Variants in EPHA3 observed in about 807,000 individuals in gnomAD.
The protein encoded by EPHA3 is ephrin type-A receptor 3.
In EPHA3, 42 loss-of-function variants were observed where a neutral mutation model predicts 107.1. The observed-to-expected ratio is 0.39, with a 90% CI of 0.31 to 0.51. The LOEUF is 0.51. Among genes scored for constraint, EPHA3 ranks in the 20% least tolerant of loss-of-function variants. The probability of loss-of-function intolerance (pLI) is 0.78; values close to 1 mark genes in which losing one functional copy is unlikely to be tolerated. For synonymous variants in EPHA3, 461 were observed against 424.8 expected, an observed-to-expected ratio of 1.09 and a Z score of -1.05; for missense variants, 1,183 against 1,211.2, an observed-to-expected ratio of 0.98 and a Z score of 0.35.
intron 3 of EPHA3, among the ~76,000 whole-genome samples, chr3:89,286,739 A>G (rs563512118): frequency 7.2e-5 from 11 of 152,266 alleles, no homozygotes; most frequent in African/African-American, 2.4e-4. Flanking sequence ...TTTGAAAGTC[A>G]TTTTTAATCC....
At chr3:89,195,890 C>T (rs1468297051) in intron 2 of EPHA3, among the ~76,000 whole-genome samples, 2 of 152,080 alleles carry the variant, frequency 1.3e-5, no homozygotes, top group Non-Finnish European at 2.9e-5. Flanking sequence ...TATTCCAAAC[C>T]ATCTACATGG....
chr3:89,418,734 C>T (rs771298640), intron 10 of EPHA3, among the ~76,000 whole-genome samples: 6 of 151,378 alleles, frequency 4.0e-5, no homozygotes, highest in Non-Finnish European at 7.4e-5. Context: ...ATAGCAGATG[C>T]TTTCCTTCTC....
chr3:89,231,026 A>T (rs1704620573), intron 3 of EPHA3, among the ~76,000 whole-genome samples: 1 of 152,124 alleles, frequency 6.6e-6, no homozygotes, highest in Non-Finnish European at 1.5e-5. Context: ...CAATATATTA[A>T]TCACACACAA....
intron 7 of EPHA3, among the ~76,000 whole-genome samples, chr3:89,402,676 ATATTT>A (rs1469305383): frequency 2.0e-5 from 3 of 151,826 alleles, no homozygotes; most frequent in Non-Finnish European, 4.4e-5. Flanking sequence ...TCTCGTTTTA[ATATTT>A]TATTTTATTT....
intron 3 of EPHA3, among the ~76,000 whole-genome samples, chr3:89,288,329 T>C (rs148172722): frequency 7.7e-4 from 118 of 152,274 alleles, no homozygotes; most frequent in Admixed American, 7.4e-3. Context: ...GATTATAGCC[T>C]TAAACTGGTA....
At position 89,341,817 on chromosome 3, in the gene EPHA3, TGGAGTTGGCCCCTGGACACA is replaced by T. The variant is rs1559654099; in HGVS notation, c.1038_1057del (p.Ser346ArgfsTer12). 6.2e-7 allele frequency: 1 copy of T among 1,614,012 alleles called. No individual in the cohort carries two copies. The highest frequency in any genetic ancestry group is 8.5e-7 in the Non-Finnish European group (1 of 1,180,014). ...AAACGAGACCTCAGTTATCCTGGAC[TGGAGTTGGCCCCTGGACACA>T]GGAGGCCGGAAAGATGTTACCTTCA... On this transcript the variant is annotated frameshift_variant, in exon 5 of 17. Transcript: ENST00000336596. LOFTEE classifies it high-confidence loss of function.
intron 2 of EPHA3, among the ~76,000 whole-genome samples, chr3:89,145,051 C>G (rs988517502): frequency 6.6e-6 from 1 of 151,724 alleles, no homozygotes; most frequent in Middle Eastern, 3.4e-3. Flanking sequence ...TAAAATAAGA[C>G]AAGTTCTTTT....
At chr3:89,356,238 G>A (rs2107450563) in intron 5 of EPHA3, among the ~76,000 whole-genome samples, 1 of 150,668 alleles carries the variant, frequency 6.6e-6, no homozygotes, top group South Asian at 2.1e-4. Context: ...TATCATTGTT[G>A]GACATTTGGG....
chr3:89,436,268 T>C (rs1480730383), intron 13 of EPHA3, among the ~76,000 whole-genome samples: 1 of 152,244 alleles, frequency 6.6e-6, no homozygotes, highest in Non-Finnish European at 1.5e-5. Context: ...TGATTTAGTG[T>C]GCTCTGATTA....
intron 11 of EPHA3, 113 bp from the exon 12 acceptor site, chr3:89,428,993 G>T (rs1455068560): frequency 1.6e-6 from 1 of 641,720 alleles, no homozygotes; most frequent in African/African-American, 1.9e-5. Flanking sequence ...TTAGAAGACA[G>T]GCAAAGTTCT....
At chr3:89,337,517 A>T (rs1432990666) in intron 3 of EPHA3, among the ~76,000 whole-genome samples, 1 of 152,224 alleles carries the variant, frequency 6.6e-6, no homozygotes, top group Non-Finnish European at 1.5e-5. Flanking sequence ...TACAAAAATT[A>T]AAATGTTATT....
chr3:89,115,429 A>G (rs1707228484), intron 1 of EPHA3, among the ~76,000 whole-genome samples: 1 of 151,996 alleles, frequency 6.6e-6, no homozygotes, highest in African/African-American at 2.4e-5. Context: ...TTCCTCTTCC[A>G]ATATTGGGAG....
chr3:89,211,760 T>C (rs183638383), intron 3 of EPHA3, among the ~76,000 whole-genome samples: 3 of 125,832 alleles, frequency 2.4e-5, no homozygotes, highest in Non-Finnish European at 4.9e-5. Context: ...TTCTTCTTCT[T>C]CTTCTTCTTC....
intron 5 of EPHA3, among the ~76,000 whole-genome samples, chr3:89,390,572 C>T (rs1335768269): frequency 1.3e-5 from 2 of 149,232 alleles, no homozygotes; most frequent in Non-Finnish European, 3.0e-5. Context: ...CGCACTCCAG[C>T]CTGGGCAACA....
At chr3:89,210,651 T>TAAA in intron 3 of EPHA3, 131 bp downstream of exon 3, 1 of 893,620 alleles carries the variant, frequency 1.1e-6, no homozygotes, top group Non-Finnish European at 1.7e-6. Flanking sequence ...CCATAGTCTA[T>TAAA]TTATGGACTA....
At chr3:89,256,209 C>G (rs1295820012) in intron 3 of EPHA3, among the ~76,000 whole-genome samples, 8 of 151,490 alleles carry the variant, frequency 5.3e-5, no homozygotes, top group African/African-American at 1.9e-4. Context: ...CGAGATTGCA[C>G]CACTGCACTC....
chr3:89,251,722 A>AT (rs1284542937), intron 3 of EPHA3, among the ~76,000 whole-genome samples: 2 of 152,082 alleles, frequency 1.3e-5, no homozygotes, highest in Non-Finnish European at 2.9e-5. Flanking sequence ...AACAATTTAA[A>AT]TTTTTGTTAA....
At chr3:89,371,064 T>G (rs1708291009) in intron 5 of EPHA3, among the ~76,000 whole-genome samples, 1 of 151,748 alleles carries the variant, frequency 6.6e-6, no homozygotes, top group Non-Finnish European at 1.5e-5. Context: ...GGTATGAAAA[T>G]AAATATTTCA....
chr3:89,204,508 C>T (rs1420448434), intron 2 of EPHA3, among the ~76,000 whole-genome samples: 1 of 91,146 alleles, frequency 1.1e-5, no homozygotes, highest in Non-Finnish European at 2.9e-5. Flanking sequence ...ACACACACAC[C>T]CCAAACAAAA....
Sources: gnomAD v4.1 joint callset for allele counts (sites outside exome capture counted in the v4.1 genomes callset) on GRCh38, gnomAD v4.1.1 for gene constraint, MANE v1.5 for transcripts, NCBI Gene and HGNC (gene_info 2026-07-23, HGNC 2026-07-21) for gene names.